SND1: variants seen among roughly 807,000 people sequenced by gnomAD.
The protein encoded by SND1 is staphylococcal nuclease and tudor domain containing 1, also known as staphylococcal nuclease domain-containing protein 1.
SND1 carries 38 observed loss-of-function variants against 121.7 expected under a neutral mutation model. The ratio of observed to expected loss-of-function variants is 0.31; its 90% CI spans 0.24 to 0.41. SND1 has a LOEUF of 0.41. SND1 is among the 10% of genes least tolerant of loss of function. The pLI is 1.00. For missense variants in SND1, 868 were observed against 1,184.6 expected, an observed-to-expected ratio of 0.73 and a Z score of 3.92; for synonymous variants, 401 against 447.4, an observed-to-expected ratio of 0.90 and a Z score of 1.31.
intron 11 of SND1, among the ~76,000 whole-genome samples, chr7:127,814,541 T>C (rs930379690): frequency 5.9e-5 from 9 of 152,038 alleles, no homozygotes; most frequent in South Asian, 2.1e-4. Context: ...CTATCTTTTT[T>C]CAGTATTTTT....
At chr7:127,869,510 G>A (rs1307631003) in intron 12 of SND1, among the ~76,000 whole-genome samples, 1 of 152,114 alleles carries the variant, frequency 6.6e-6, no homozygotes, top group Non-Finnish European at 1.5e-5. Flanking sequence ...AGTCATTAAT[G>A]CTTTTCTTGT....
chr7:127,793,497 G>A (rs1039912910), intron 10 of SND1, among the ~76,000 whole-genome samples: 1 of 152,086 alleles, frequency 6.6e-6, no homozygotes, highest in Non-Finnish European at 1.5e-5. Flanking sequence ...ATTTAGAGTG[G>A]CGCCAACCCT....
At chr7:127,734,292 C>T (rs1796733950) in intron 10 of SND1, among the ~76,000 whole-genome samples, 2 of 152,120 alleles carry the variant, frequency 1.3e-5, no homozygotes, top group Non-Finnish European at 2.9e-5. Context: ...AATTTATCTG[C>T]TTCAGAGAAC....
chr7:127,877,504 G>A (rs1799713444), intron 12 of SND1, among the ~76,000 whole-genome samples: 1 of 152,214 alleles, frequency 6.6e-6, no homozygotes, highest in South Asian at 2.1e-4. Context: ...GTAGAAATGA[G>A]GTAATGGGTA....
chr7:128,087,062 A>G lies in SND1; in HGVS notation c.2418+11A>G. ...CAGGTGCCCCAAGATGTGAGTCTGG[A>G]GTCTTCCTCCTTCCAAAGGGGACTA... On this transcript the variant is annotated intron_variant, in intron 21 of 23. Coordinates refer to ENST00000354725, the MANE Select transcript of SND1 (RefSeq NM_014390.4). 1 of 1,605,218 alleles carries G rather than the reference A, an allele frequency of 6.2e-7. No individual in the cohort carries two copies. Among genetic ancestry groups the G allele is most frequent in the Non-Finnish European group, 8.5e-7 (1 of 1,172,230 alleles).
At chr7:127,704,778 A>T in intron 7 of SND1, 61 bp from the exon 8 acceptor site, 1 of 1,345,414 alleles carries the variant, frequency 7.4e-7, no homozygotes, top group Non-Finnish European at 1.1e-6. Flanking sequence ...AGTCTAGAGA[A>T]ATGGATTCTT....
intron 13 of SND1, 24 bp from the exon 14 acceptor site, chr7:127,904,723 G>T (rs201960450): frequency 4.5e-6 from 7 of 1,538,752 alleles, no homozygotes; most frequent in South Asian, 3.4e-5. Flanking sequence ...TGTTTTAATC[G>T]GTTTTTCTCT....
At chr7:127,762,619 TA>T (rs1353588567) in intron 10 of SND1, among the ~76,000 whole-genome samples, 3 of 152,246 alleles carry the variant, frequency 2.0e-5, no homozygotes, top group Non-Finnish European at 2.9e-5. Context: ...GACAGTTACC[TA>T]AACATAGTTG....
intron 10 of SND1, among the ~76,000 whole-genome samples, chr7:127,729,215 CCTTTCATAGT>C (rs1458669337): frequency 6.6e-6 from 1 of 152,036 alleles, no homozygotes; most frequent in Non-Finnish European, 1.5e-5. Context: ...TGAATATCTT[CCTTTCATAGT>C]AGTTCAGGTA....
intron 1 of SND1, among the ~76,000 whole-genome samples, chr7:127,671,460 C>G (rs1424711106): frequency 6.6e-6 from 1 of 152,142 alleles, no homozygotes; most frequent in South Asian, 2.1e-4. Context: ...ATCAACTGAT[C>G]AATACCTGAC....
chr7:128,074,829 C>G, intron 17 of SND1, 139 bp downstream of exon 17: 1 of 810,004 alleles, frequency 1.2e-6, no homozygotes. Flanking sequence ...AGACCCCACA[C>G]CAAGGCCACA....
chr7:128,030,355 G>A (rs776014596), intron 16 of SND1: 1 of 1,613,926 alleles, frequency 6.2e-7, no homozygotes, highest in Admixed American at 1.7e-5. Context: ...TGGAGGTGGC[G>A]GAAGGTGTCG....
chr7:128,061,736 G>A (rs1352885023), intron 16 of SND1, among the ~76,000 whole-genome samples: 1 of 152,252 alleles, frequency 6.6e-6, no homozygotes, highest in Non-Finnish European at 1.5e-5. Context: ...TCCAGCCTCT[G>A]ACATGCTGCA....
intron 21 of SND1, among the ~76,000 whole-genome samples, chr7:128,088,446 C>CTT (rs1047161140): frequency 0.013 from 1,034 of 80,004 alleles, 11 homozygotes; most frequent in Non-Finnish European, 0.015. Context: ...CCCTATCTCT[C>CTT]TTTTTTTTTT....
At chr7:127,868,692 C>T (rs1326503814) in intron 12 of SND1, among the ~76,000 whole-genome samples, 1 of 152,210 alleles carries the variant, frequency 6.6e-6, no homozygotes, top group Non-Finnish European at 1.5e-5. Flanking sequence ...ATGTCTTTCT[C>T]AAGTTTCATC....
intron 15 of SND1, chr7:127,949,008 G>T (rs1801398549): frequency 6.6e-6 from 1 of 152,190 alleles, no homozygotes; most frequent in South Asian, 2.1e-4. Context: ...TATATTAAGG[G>T]TTCACCTTTA....
intron 17 of SND1, among the ~76,000 whole-genome samples, chr7:128,075,796 A>C (rs1474533773): frequency 1.3e-5 from 2 of 152,222 alleles, no homozygotes; most frequent in Admixed American, 1.3e-4. Flanking sequence ...CCTCCTGCTC[A>C]CATCAAGCCT....
chr7:128,059,929 C>T (rs1276245244), intron 16 of SND1, among the ~76,000 whole-genome samples: 2 of 152,184 alleles, frequency 1.3e-5, no homozygotes, highest in Non-Finnish European at 2.9e-5. Context: ...TTCAAACAAA[C>T]AGGAAAATAG....
At chr7:127,893,945 C>G (rs1422168334) in intron 13 of SND1, among the ~76,000 whole-genome samples, 1 of 152,086 alleles carries the variant, frequency 6.6e-6, no homozygotes, top group Admixed American at 6.6e-5. Flanking sequence ...ACTCCAAACC[C>G]CATAAGCACC....
Sources: gnomAD v4.1 joint callset for allele counts (sites outside exome capture counted in the v4.1 genomes callset) on GRCh38, gnomAD v4.1.1 for gene constraint, MANE v1.5 for transcripts, NCBI Gene and HGNC (gene_info 2026-07-23, HGNC 2026-07-21) for gene names.